The following ALK variants were observed in gnomAD, a reference collection of about 807,000 sequenced individuals.
ALK encodes the protein ALK receptor tyrosine kinase.
Under a neutral mutation model 163.1 loss-of-function variants are expected in ALK, and 74 were observed. The ratio of observed to expected loss-of-function variants is 0.45; its 90% confidence interval spans 0.38 to 0.55. The LOEUF is 0.55. Ranked by LOEUF, ALK falls within the 20% of genes least tolerant of loss-of-function variation. The pLI is 0.00. For synonymous variants in ALK, 960 were observed against 843.2 expected (o/e 1.14, Z -2.40); for missense variants, 2,063 against 2,105.3 (o/e 0.98, Z 0.39).
intron 2 of ALK, among the ~76,000 whole-genome samples, chr2:29,700,060 G>A (rs1678686595): frequency 6.6e-6 from 1 of 152,192 alleles, no homozygotes; most frequent in Non-Finnish European, 1.5e-5. Flanking sequence ...CATCTCTGAA[G>A]GTCAGTGATT....
At chr2:29,777,256 T>C (rs1681202151) in intron 1 of ALK, among the ~76,000 whole-genome samples, 1 of 152,200 alleles carries the variant, frequency 6.6e-6, no homozygotes, top group Non-Finnish European at 1.5e-5. Context: ...TATTATTTTA[T>C]TTTTGATTCT....
At chr2:29,497,172 T>C (rs984920620) in intron 4 of ALK, among the ~76,000 whole-genome samples, 1 of 151,926 alleles carries the variant, frequency 6.6e-6, no homozygotes, top group Non-Finnish European at 1.5e-5. Context: ...CTAGGGAGGA[T>C]GAGGCAGGAG....
chr2:29,391,314 G>GGA (rs1553310365), intron 4 of ALK, among the ~76,000 whole-genome samples: 1 of 104,896 alleles, frequency 9.5e-6, no homozygotes, highest in Non-Finnish European at 2.2e-5. Flanking sequence ...TTGGGGGGGG[G>GGA]GTGGTGGTGT....
chr2:29,810,469 A>G (rs1664729217), intron 1 of ALK, among the ~76,000 whole-genome samples: 1 of 152,102 alleles, frequency 6.6e-6, no homozygotes, highest in African/African-American at 2.4e-5. Context: ...AATGTTATCA[A>G]TGAGATAATG....
chr2:29,622,246 A>C (rs1319091197), intron 3 of ALK, among the ~76,000 whole-genome samples: 1 of 152,224 alleles, frequency 6.6e-6, no homozygotes, highest in Non-Finnish European at 1.5e-5. Context: ...GCAGTGTATT[A>C]GCCTGTTTTC....
intron 9 of ALK, among the ~76,000 whole-genome samples, chr2:29,276,795 G>T (rs2148216329): frequency 6.6e-6 from 1 of 152,292 alleles, no homozygotes; most frequent in Non-Finnish European, 1.5e-5. Flanking sequence ...AATCTGTGGG[G>T]CCAGAAAGCA....
rs116108118 is a variant in ALK, at chr2:29,864,518, C to T, written c.667+55475G>A. On this transcript the variant is annotated intron_variant, in intron 1 of 28. Transcript: ENST00000389048. ...CCTTCTACCCTTTGAATGCATGTTCCATGATACCAAGAATCACATCTTTCT... is the reference window on the plus strand; with the variant it reads ...CCTTCTACCCTTTGAATGCATGTTCTATGATACCAAGAATCACATCTTTCT... Among the ~76,000 whole-genome samples the T allele has an allele frequency of 2.4e-3, 368 of 152,296 alleles. 2 individuals are homozygous for T. Among genetic ancestry groups the T allele is most frequent in the African/African-American group, 8.3e-3 (345 of 41,556 alleles).
chr2:29,391,802 C>T (rs540515221), intron 4 of ALK, among the ~76,000 whole-genome samples: 2 of 152,290 alleles, frequency 1.3e-5, no homozygotes, highest in African/African-American at 2.4e-5. Context: ...ACCTCCTGCT[C>T]TCATCACTTG....
chr2:29,505,657 G>A (rs906747228), intron 4 of ALK, among the ~76,000 whole-genome samples: 1 of 152,066 alleles, frequency 6.6e-6, no homozygotes, highest in Non-Finnish European at 1.5e-5. Context: ...GTAGGCTTCA[G>A]GCACTTGCTT....
intron 3 of ALK, among the ~76,000 whole-genome samples, chr2:29,694,494 C>G (rs1229303213): frequency 6.6e-6 from 1 of 152,214 alleles, no homozygotes; most frequent in Non-Finnish European, 1.5e-5. Context: ...ACTAAAAAAT[C>G]ATTTGCTGTT....
intron 3 of ALK, among the ~76,000 whole-genome samples, chr2:29,676,978 G>A (rs1020684147): frequency 7.9e-5 from 12 of 151,796 alleles, no homozygotes; most frequent in African/African-American, 2.9e-4. Context: ...TATTGATTTT[G>A]TATCTGTGGC....
At chr2:29,890,523 G>C (rs1326114811) in intron 1 of ALK, 4 of 152,218 alleles carry the variant, frequency 2.6e-5, no homozygotes, top group Non-Finnish European at 5.9e-5. Flanking sequence ...CCTCTGTTGA[G>C]GGAAAATGGC....
At chr2:29,540,106 T>C (rs1301753895) in intron 3 of ALK, among the ~76,000 whole-genome samples, 1 of 152,192 alleles carries the variant, frequency 6.6e-6, no homozygotes, top group Non-Finnish European at 1.5e-5. Flanking sequence ...ATGGTATATT[T>C]TCAAATATGA....
In ALK at chr2:29,239,672, G is replaced by C. The variant is rs1198288574; in HGVS notation, c.2355+8C>G. 6.2e-7 allele frequency: 1 copy of C among 1,613,650 alleles called. No homozygotes were observed. Among genetic ancestry groups the C allele is most frequent in the Non-Finnish European group, 8.5e-7 (1 of 1,180,012 alleles). On this transcript the variant is annotated splice_region_variant and intron_variant, in intron 13 of 28. Coordinates refer to ENST00000389048, the MANE Select transcript of ALK (RefSeq NM_004304.5). ...TGCAGACGAGAAACCCCTGCTCTGG[G>C]CACTTACACTGGGGCAGGCGTCCTC...
rs1239424027 is a variant in ALK, at chr2:29,196,782, T to C, written c.4152A>G (p.Glu1384=). 1 of 1,613,706 alleles carries C rather than the reference T, an allele frequency of 6.2e-7. No homozygotes were observed. The highest frequency in any genetic ancestry group is 1.1e-5 in the South Asian group (1 of 91,078). Residue 1384 remains glutamate, a synonymous_variant, in exon 28 of 29, where the codon GAA becomes GAG. Transcript: ENST00000389048. The stretch of plus-strand genomic sequence containing the variant: ...GAAAATGTTTTACCTGGGTGCAGTA[T>C]TCAATCCTCTCCAAAATGATGGCAA... The part of the protein sequence containing the change: ...PNFAIILERI[E]YCTQDPDVIN...
At chr2:29,625,275 G>A (rs1676159121) in intron 3 of ALK, among the ~76,000 whole-genome samples, 1 of 152,190 alleles carries the variant, frequency 6.6e-6, no homozygotes, top group African/African-American at 2.4e-5. Flanking sequence ...CTAAGGAAGA[G>A]ACTGCAGTTC....
intron 12 of ALK, 71 bp downstream of exon 12, chr2:29,251,034 C>A (rs2148197013): frequency 1.3e-6 from 2 of 1,526,258 alleles, no homozygotes; most frequent in South Asian, 1.2e-5. Context: ...GGAACATGCA[C>A]CCATAGGCAA....
At chr2:29,665,592 G>C (rs1293646381) in intron 3 of ALK, among the ~76,000 whole-genome samples, 3 of 151,906 alleles carry the variant, frequency 2.0e-5, no homozygotes. Flanking sequence ...GGGCTCCCAG[G>C]TGTTGAGGTT....
intron 1 of ALK, among the ~76,000 whole-genome samples, chr2:29,813,913 A>G (rs368666840): frequency 6.6e-6 from 1 of 152,228 alleles, no homozygotes; most frequent in Non-Finnish European, 1.5e-5. Context: ...CATGGCTGTC[A>G]TGTCTGGAAG....
Sources: gnomAD v4.1 joint callset for allele counts (sites outside exome capture counted in the v4.1 genomes callset) on GRCh38, gnomAD v4.1.1 for gene constraint, MANE v1.5 for transcripts, NCBI Gene and HGNC (gene_info 2026-07-23, HGNC 2026-07-21) for gene names.